The following ATP11B variants were observed in gnomAD, a reference collection of about 807,000 sequenced individuals.
ATP11B encodes ATPase phospholipid transporting 11B (putative), also known as phospholipid-transporting ATPase IF.
A neutral mutation model predicts 157.8 loss-of-function variants in ATP11B; 81 were observed. The observed-to-expected ratio is 0.51, with a 90% CI of 0.43 to 0.62. The LOEUF is 0.62. Ranked by LOEUF, ATP11B falls within the 20% of genes least tolerant of loss-of-function variation. ATP11B has a pLI of 0.00. For synonymous variants in ATP11B, 451 were observed against 469.4 expected (o/e 0.96, Z 0.51); for missense variants, 1,165 against 1,402.2 (o/e 0.83, Z 2.70).
chr3:182,868,297 A>T (rs753722242), intron 15 of ATP11B, among the ~76,000 whole-genome samples: 1 of 149,356 alleles, frequency 6.7e-6, no homozygotes, highest in Non-Finnish European at 1.5e-5. Flanking sequence ...AGCAATTCTG[A>T]TCATATGTCA....
intron 10 of ATP11B, among the ~76,000 whole-genome samples, chr3:182,849,216 G>C (rs1305204856): frequency 6.6e-6 from 1 of 152,126 alleles, no homozygotes; most frequent in Non-Finnish European, 1.5e-5. Context: ...CATGTGCAAG[G>C]GAGACAAAAG....
chr3:182,835,329 G>C (rs1474564063), intron 4 of ATP11B, among the ~76,000 whole-genome samples: 1 of 152,014 alleles, frequency 6.6e-6, no homozygotes, highest in Non-Finnish European at 1.5e-5. Flanking sequence ...CCAAAAATCT[G>C]CTCATTTTTT....
At chr3:182,870,913 G>A (rs1721610163) in intron 17 of ATP11B, among the ~76,000 whole-genome samples, 1 of 147,074 alleles carries the variant, frequency 6.8e-6, no homozygotes, top group Non-Finnish European at 1.5e-5. Flanking sequence ...GGGCAACAGA[G>A]CAAGTCTCCG....
At chr3:182,875,505 G>A (rs1000987227) in intron 19 of ATP11B, among the ~76,000 whole-genome samples, 10 of 152,070 alleles carry the variant, frequency 6.6e-5, no homozygotes, top group African/African-American at 2.2e-4. Context: ...GTGCAATGAC[G>A]CACTCGGTTC....
chr3:182,866,211 C>T, intron 13 of ATP11B, 57 bp from the exon 14 acceptor site: 1 of 1,341,520 alleles, frequency 7.5e-7, no homozygotes, highest in Non-Finnish European at 9.9e-7. Context: ...CCTCTGGTTT[C>T]CTAAATGGTA....
intron 19 of ATP11B, among the ~76,000 whole-genome samples, chr3:182,879,084 G>A (rs1295937535): frequency 6.6e-6 from 1 of 152,056 alleles, no homozygotes; most frequent in African/African-American, 2.4e-5. Flanking sequence ...ACCAGCCTGG[G>A]CAACATAGTG....
intron 2 of ATP11B, 26 bp downstream of exon 2, chr3:182,820,402 G>A (rs552783658): frequency 2.0e-6 from 3 of 1,494,026 alleles, no homozygotes; most frequent in Non-Finnish European, 2.8e-6. Flanking sequence ...TTTATTGTTA[G>A]GCCAGGTGCA....
intron 11 of ATP11B, 21 bp from the exon 12 acceptor site, chr3:182,859,141 C>A: frequency 6.4e-7 from 1 of 1,553,298 alleles, no homozygotes; most frequent in Non-Finnish European, 8.8e-7. Context: ...TCTTTTCAAA[C>A]AATTATTTCC....
At position 182,917,131 on chromosome 3, in the gene ATP11B, G is replaced by T. The variant is rs537168237; in HGVS notation, c.3453-892G>T. 122 of 985,312 alleles carry T rather than the reference G, an allele frequency of 1.2e-4. 1 individual carries two copies. The African/African-American group carries it at 1.8e-3, about 15-fold the overall frequency. The allele number at this position is 985,312 out of a possible 1,614,324, so 61.0% of individuals were successfully genotyped here. A position where few individuals can be genotyped will look rare whatever the true frequency, so the allele number is the denominator to read the frequency against. On this transcript the variant is annotated intron_variant, in intron 29 of 29. Coordinates refer to ENST00000323116, the MANE Select transcript of ATP11B (RefSeq NM_014616.3). ...GGGAAAGAGAAAATATTTGACAAAG[G>T]TGAATTGGGGCCTTTTTTAACGCTC...
chr3:182,875,975 A>T, intron 19 of ATP11B, among the ~76,000 whole-genome samples: 1 of 152,174 alleles, frequency 6.6e-6, no homozygotes, highest in Non-Finnish European at 1.5e-5. Context: ...GGCTGGGCAC[A>T]GTAGCTCATG....
chr3:182,877,804 T>C (rs1722149890), intron 19 of ATP11B, among the ~76,000 whole-genome samples: 1 of 152,154 alleles, frequency 6.6e-6, no homozygotes. Context: ...GATGAGTAAA[T>C]GCTACCTACG....
Position 182,793,725 on chromosome 3 carries a change from G to T in ATP11B, c.-35G>T. ...CTCCACCTGCAGCCCCGCGGCCCCC[G>T]CGCCCCGCGGGACCCGGACGGCGAC... On this transcript the variant is annotated 5_prime_UTR_variant, in exon 1 of 30. Transcript: ENST00000323116. 7.1e-7 allele frequency: 1 copy of T among 1,399,060 alleles called. No homozygotes were observed. The highest frequency in any genetic ancestry group is 3.2e-5 in the East Asian group (1 of 30,986). The allele number at this position is 1,399,060 out of a possible 1,614,324, so 86.7% of individuals were successfully genotyped here. A position where few individuals can be genotyped will look rare whatever the true frequency, so the allele number is the denominator to read the frequency against.
intron 12 of ATP11B, among the ~76,000 whole-genome samples, chr3:182,864,667 CTT>C (rs1355902053): frequency 1.3e-5 from 2 of 151,988 alleles, no homozygotes; most frequent in Non-Finnish European, 2.9e-5. Context: ...ATTTGCATCT[CTT>C]TATAAGGGAT....
At chr3:182,895,935 G>A (rs1288256909) in intron 25 of ATP11B, among the ~76,000 whole-genome samples, 2 of 152,182 alleles carry the variant, frequency 1.3e-5, no homozygotes, top group Non-Finnish European at 2.9e-5. Flanking sequence ...TAGGCAGGAT[G>A]TTTCTCATGT....
intron 4 of ATP11B, among the ~76,000 whole-genome samples, chr3:182,834,873 A>G (rs1044067299): frequency 2.0e-5 from 3 of 152,202 alleles, no homozygotes; most frequent in Non-Finnish European, 4.4e-5. Flanking sequence ...CTGATAGTCT[A>G]CTGTTCATCA....
At chr3:182,805,893 A>G (rs1716298382) in intron 1 of ATP11B, among the ~76,000 whole-genome samples, 1 of 152,166 alleles carries the variant, frequency 6.6e-6, no homozygotes, top group Admixed American at 6.5e-5. Flanking sequence ...TGTGGGTTGT[A>G]GTCCTACTTC....
chr3:182,885,199 C>G (rs1315119891), intron 22 of ATP11B, among the ~76,000 whole-genome samples: 1 of 152,082 alleles, frequency 6.6e-6, no homozygotes, highest in Admixed American at 6.6e-5. Flanking sequence ...CTTTTTATGC[C>G]ATGAATGACC....
intron 25 of ATP11B, among the ~76,000 whole-genome samples, chr3:182,890,004 A>G (rs1723069470): frequency 6.6e-6 from 1 of 152,196 alleles, no homozygotes; most frequent in South Asian, 2.1e-4. Flanking sequence ...TTTTAATTGC[A>G]TTGTTGTTTG....
chr3:182,874,429 C>T lies in ATP11B; in HGVS notation c.2252+414C>T, dbSNP rs150777642. ...GAGTGCCATGCATAGCACCATGTTG[C>T]GACATTTTACTGTTTTTTATTAGTA... On this transcript the variant is annotated intron_variant, in intron 19 of 29. Coordinates refer to ENST00000323116, the MANE Select transcript of ATP11B (RefSeq NM_014616.3). Among the ~76,000 whole-genome samples the T allele has an allele frequency of 2.2e-3, 331 of 152,150 alleles. 3 individuals are homozygous for T. The highest frequency in any genetic ancestry group is 0.01 in the Middle Eastern group (3 of 294).
Sources: gnomAD v4.1 joint callset for allele counts (sites outside exome capture counted in the v4.1 genomes callset) on GRCh38, gnomAD v4.1.1 for gene constraint, MANE v1.5 for transcripts, NCBI Gene and HGNC (gene_info 2026-07-23, HGNC 2026-07-21) for gene names.